The following FBXW12 variants were observed in gnomAD, a reference collection of about 807,000 sequenced individuals.
The protein encoded by FBXW12 is F-box and WD repeat domain containing 12.
Under a neutral mutation model 55.3 loss-of-function variants are expected in FBXW12, and 43 were observed. The observed-to-expected ratio is 0.78, with a 90% confidence interval of 0.61 to 1.00. The LOEUF (loss-of-function observed/expected upper bound fraction) is 1.00, where lower values mean the gene tolerates loss of function less well. Among genes scored for constraint, FBXW12 ranks in the 50% least tolerant of loss-of-function variants. FBXW12 has a pLI of 0.00. For synonymous variants in FBXW12, 184 were observed against 203.8 expected (o/e 0.90, Z 0.83); for missense variants, 524 against 560.5 (o/e 0.93, Z 0.66).
intron 7 of FBXW12, 104 bp downstream of exon 7, chr3:48,379,662 CCTCT>C (rs2036737687): frequency 1.1e-6 from 1 of 898,502 alleles, no homozygotes; most frequent in Admixed American, 1.9e-5. Flanking sequence ...ACTGCTCCTT[CCTCT>C]CTAAGACCAC....
At chr3:48,392,462 A>G (rs1010244132) in intron 10 of FBXW12, among the ~76,000 whole-genome samples, 11 of 150,016 alleles carry the variant, frequency 7.3e-5, no homozygotes, top group African/African-American at 2.7e-4. Context: ...AAAAAAAAAA[A>G]AAAAAAAAAA....
chr3:48,391,355 CAT>C (rs1553794181), intron 10 of FBXW12, among the ~76,000 whole-genome samples: 14 of 141,534 alleles, frequency 9.9e-5, no homozygotes, highest in African/African-American at 2.6e-4. Context: ...CACACACACA[CAT>C]ATATATATAA....
rs1478435206 is a variant in FBXW12 at position 48,373,398 on chromosome 3, C to T, written c.128+53C>T. On this transcript the variant is annotated intron_variant, in intron 3 of 10. Transcript: ENST00000296438. ...AAGGGGAGAGGAGATCATCTGACTGCGCACCCATGCTGTGTCCCAAGGCCT... is the reference window on the plus strand; with the variant it reads ...AAGGGGAGAGGAGATCATCTGACTGTGCACCCATGCTGTGTCCCAAGGCCT... The T allele has an allele frequency of 1.2e-5, 20 of 1,613,410 alleles. No individual in the cohort carries two copies. The Admixed American group carries it at 1.3e-4, about 11-fold the overall frequency.
intron 5 of FBXW12, among the ~76,000 whole-genome samples, chr3:48,376,877 C>T (rs909983212): frequency 3.0e-5 from 3 of 100,560 alleles, no homozygotes; most frequent in Admixed American, 1.0e-4. Context: ...GCAGTGATTC[C>T]TATTTTTCCA....
chr3:48,392,311 C>T (rs2036939892), intron 10 of FBXW12, among the ~76,000 whole-genome samples: 1 of 151,992 alleles, frequency 6.6e-6, no homozygotes, highest in Admixed American at 6.6e-5. Flanking sequence ...ATTAGCTGGG[C>T]ATGGTGGCGG....
chr3:48,374,477 A>C (rs2036653916), intron 4 of FBXW12, among the ~76,000 whole-genome samples: 1 of 151,490 alleles, frequency 6.6e-6, no homozygotes, highest in Non-Finnish European at 1.5e-5. Flanking sequence ...ACAGGCATTT[A>C]CCACCATGCC....
chr3:48,382,639 T>C (rs910043971), intron 10 of FBXW12, among the ~76,000 whole-genome samples: 6 of 152,208 alleles, frequency 3.9e-5, no homozygotes, highest in South Asian at 4.1e-4. Context: ...GTTTTCTTGC[T>C]GAGTTGTACC....
At chr3:48,380,147 A>ATT (rs2036745691) in intron 7 of FBXW12, 1 of 151,206 alleles carries the variant, frequency 6.6e-6, no homozygotes, top group Middle Eastern at 3.4e-3. Context: ...AAAAAAAAAA[A>ATT]ATTTTTTTTT....
At chr3:48,373,412 G>T (rs1158215507) in intron 3 of FBXW12, 67 bp downstream of exon 3, 20 of 1,613,258 alleles carry the variant, frequency 1.2e-5, no homozygotes, top group African/African-American at 2.7e-5. Flanking sequence ...CCCATGCTGT[G>T]TCCCAAGGCC....
At chr3:48,380,675 T>C in intron 7 of FBXW12, 27 bp from the exon 8 acceptor site, 2 of 1,568,220 alleles carry the variant, frequency 1.3e-6, no homozygotes, top group African/African-American at 2.7e-5. Context: ...TCCCTGCCCC[T>C]GACCATGCAT....
intron 1 of FBXW12, 150 bp from the exon 2 acceptor site, chr3:48,372,534 C>A: frequency 2.9e-6 from 3 of 1,039,784 alleles, no homozygotes; most frequent in Non-Finnish European, 4.2e-6. Context: ...CAATGAACAG[C>A]ACTAACAAGT....
Position 48,380,873 on chromosome 3 carries a change from C to CTAA in FBXW12, c.947_949dup (p.Leu316_Thr317insIle). On this transcript the variant is annotated inframe_insertion, in exon 8 of 11. Coordinates refer to ENST00000296438, the MANE Select transcript of FBXW12 (RefSeq NM_207102.2). ...AAAGACAGAATTTATCACCTTTGAT[C>CTAA]TAACAACCAAGAAGACTGGAGGCCA... 6.2e-7 allele frequency: 1 copy of CTAA among 1,614,100 alleles called. No individual in the cohort carries two copies. Among genetic ancestry groups the CTAA allele is most frequent in the Non-Finnish European group, 8.5e-7 (1 of 1,180,034 alleles).
intron 7 of FBXW12, 21 bp from the exon 8 acceptor site, chr3:48,380,681 T>C (rs1238641592): frequency 1.3e-6 from 2 of 1,582,760 alleles, no homozygotes; most frequent in South Asian, 1.1e-5. Context: ...CCCCTGACCA[T>C]GCATGCGATG....
intron 10 of FBXW12, among the ~76,000 whole-genome samples, chr3:48,385,296 G>A (rs928203570): frequency 3.3e-5 from 5 of 151,932 alleles, no homozygotes; most frequent in Admixed American, 1.3e-4. Flanking sequence ...GCTGTTGCAC[G>A]TGACAAGATT....
chr3:48,379,368 C>G, intron 6 of FBXW12, 32 bp from the exon 7 acceptor site: 1 of 1,606,534 alleles, frequency 6.2e-7, no homozygotes, highest in Non-Finnish European at 8.5e-7. Context: ...ACATATCTTC[C>G]TATTGATATG....
chr3:48,391,662 T>C (rs1416606248), intron 10 of FBXW12, among the ~76,000 whole-genome samples: 1 of 152,214 alleles, frequency 6.6e-6, no homozygotes, highest in African/African-American at 2.4e-5. Context: ...GTATGCTCCT[T>C]CAGTGCCTAG....
intron 10 of FBXW12, among the ~76,000 whole-genome samples, chr3:48,391,202 T>C (rs552604020): frequency 2.7e-4 from 40 of 150,866 alleles, no homozygotes; most frequent in African/African-American, 9.5e-4. Context: ...GAAGATCACT[T>C]GAGCCCAGAG....
chr3:48,372,891 C>A (rs747597740), intron 2 of FBXW12, 34 bp downstream of exon 2: 15 of 1,587,950 alleles, frequency 9.4e-6, no homozygotes, highest in Middle Eastern at 3.3e-4. Context: ...GCCCCCCAAG[C>A]CCGCTGCTTC....
rs770302284 is a variant in FBXW12 at position 48,382,040 on chromosome 3, G to A, written c.1250G>A (p.Ser417Asn). 6.2e-7 allele frequency: 1 copy of A among 1,614,182 alleles called. No homozygotes were observed. The highest frequency in any genetic ancestry group is 1.3e-5 in the African/African-American group (1 of 75,036). ...GGAGGCCGCCATCCATACCTCAGGA[G>A]CTGCTGTCACCTGGAAAACACGTGG... Reference protein sequence around the residue: ...EEGGRHPYLRSCCHLENTWHD... With the variant: ...EEGGRHPYLRNCCHLENTWHD... The change falls in exon 10 of 11, where the codon AGC (serine) becomes AAC (asparagine). Residue 417 changes from serine (S) to asparagine (N), a missense_variant. By Grantham distance (46) the Ser-to-Asn change is conservative. Coordinates refer to ENST00000296438, the MANE Select transcript of FBXW12 (RefSeq NM_207102.2).
Sources: allele counts gnomAD v4.1 joint callset (sites outside exome capture counted in the v4.1 genomes callset), GRCh38; gene constraint gnomAD v4.1.1; transcripts MANE v1.5; gene names NCBI Gene and HGNC (gene_info 2026-07-23, HGNC 2026-07-21).